Variants in NUFIP2 observed in about 807,000 individuals in gnomAD.
The protein encoded by NUFIP2 is FMR1-interacting protein NUFIP2.
NUFIP2 carries 6 observed loss-of-function variants against 56.9 expected under a neutral mutation model. The observed-to-expected ratio is 0.11, with a 90% CI of 0.06 to 0.21. The LOEUF (loss-of-function observed/expected upper bound fraction) is 0.21, where lower values mean the gene tolerates loss of function less well. NUFIP2 is among the 10% of genes least tolerant of loss of function. The pLI, the probability that NUFIP2 is intolerant of heterozygous loss-of-function variation, is 1.00. For missense variants in NUFIP2, 828 were observed against 826.8 expected, an observed-to-expected ratio of 1.00 and a Z score of -0.02; for synonymous variants, 321 against 298.2, an observed-to-expected ratio of 1.08 and a Z score of -0.79.
At chr17:29,272,929 T>C (rs1209675985) in intron 2 of NUFIP2, among the ~76,000 whole-genome samples, 1 of 151,754 alleles carries the variant, frequency 6.6e-6, no homozygotes, top group African/African-American at 2.4e-5. Flanking sequence ...CTCAGCTCAC[T>C]GCAACCTCCA....
chr17:29,294,148 T>A lies in NUFIP2; in HGVS notation c.-89A>T, dbSNP rs1195283581. The A allele has an allele frequency of 1.4e-6, 2 of 1,467,330 alleles. No individual in the cohort carries two copies. The highest frequency in any genetic ancestry group is 1.8e-6 in the Non-Finnish European group (2 of 1,105,804). 90.9% of individuals were successfully genotyped at this position (1,467,330 alleles called of 1,614,324 possible). ...CTTCTCAGGGCTCACTCAGTATATCTGAGCGCGTCTCGCCAGCGCACTGGT... is the reference window on the plus strand; with the variant it reads ...CTTCTCAGGGCTCACTCAGTATATCAGAGCGCGTCTCGCCAGCGCACTGGT... On this transcript the variant is annotated 5_prime_UTR_variant, in exon 1 of 4. Transcript: ENST00000225388.
chr17:29,283,420 C>T (rs908045313), intron 2 of NUFIP2, among the ~76,000 whole-genome samples: 3 of 152,162 alleles, frequency 2.0e-5, no homozygotes, highest in Admixed American at 1.3e-4. Flanking sequence ...TCACTGCAGA[C>T]CTGGATCTCC....
At chr17:29,280,244 A>G (rs10491211) in intron 2 of NUFIP2, among the ~76,000 whole-genome samples, 7,478 of 152,334 alleles carry the variant, frequency 0.049, 261 homozygotes, top group South Asian at 0.16. Context: ...CACACAACTC[A>G]TATCAATTAT....
At chr17:29,282,869 A>G (rs568211440) in intron 2 of NUFIP2, among the ~76,000 whole-genome samples, 1 of 152,270 alleles carries the variant, frequency 6.6e-6, no homozygotes, top group Non-Finnish European at 1.5e-5. Context: ...TTAACTTTAA[A>G]AAAAAAAGGC....
chr17:29,292,753 C>T (rs2069224157), intron 1 of NUFIP2, among the ~76,000 whole-genome samples: 1 of 149,998 alleles, frequency 6.7e-6, no homozygotes, highest in Admixed American at 6.6e-5. Flanking sequence ...CGCTGGCGCG[C>T]GGGGCCCTGC....
At chr17:29,288,722 G>A (rs1482560566) in intron 1 of NUFIP2, among the ~76,000 whole-genome samples, 1 of 152,196 alleles carries the variant, frequency 6.6e-6, no homozygotes, top group Non-Finnish European at 1.5e-5. Flanking sequence ...AAATCTGACC[G>A]CCAGTCTATC....
chr17:29,293,594 G>A (rs1301443032), intron 1 of NUFIP2, among the ~76,000 whole-genome samples, 189 bp downstream of exon 1: 2 of 152,080 alleles, frequency 1.3e-5, no homozygotes, highest in Non-Finnish European at 2.9e-5. Flanking sequence ...CATGCTGGAG[G>A]GAAGGAGAGG....
At chr17:29,291,171 A>G (rs1567682968) in intron 1 of NUFIP2, among the ~76,000 whole-genome samples, 1 of 152,142 alleles carries the variant, frequency 6.6e-6, no homozygotes. Flanking sequence ...AAAAATGTAA[A>G]CATTATAGAA....
rs1422299124 is a variant in NUFIP2, at chr17:29,260,109, GC to G, written c.*4429del. 5.9e-5 allele frequency: 9 copies of G among 152,136 alleles called. No individual in the cohort carries two copies. The highest frequency in any genetic ancestry group is 1.2e-4 in the Non-Finnish European group (8 of 68,020). The allele number at this position is 152,136 out of a possible 1,614,324, so 9.4% of individuals were successfully genotyped here. A position where few individuals can be genotyped will look rare whatever the true frequency, so the allele number is the denominator to read the frequency against. On this transcript the variant is annotated 3_prime_UTR_variant, in exon 4 of 4. Transcript: ENST00000225388. ...ACTAATGTTAAGCTATGTGCCTCTG[GC>G]AAACCTAAAGCAGCTATTTATGCTT...
chr17:29,278,167 C>A (rs1028681664), intron 2 of NUFIP2, among the ~76,000 whole-genome samples: 1 of 152,168 alleles, frequency 6.6e-6, no homozygotes, highest in Non-Finnish European at 1.5e-5. Context: ...ATCCAGACTA[C>A]TCCTAAATAG....
intron 2 of NUFIP2, 150 bp downstream of exon 2, chr17:29,285,842 T>C (rs746502721): frequency 5.6e-5 from 34 of 602,570 alleles, no homozygotes; most frequent in Non-Finnish European, 8.8e-5. Flanking sequence ...CCAAGGACCC[T>C]GAATTAGTTT....
chr17:29,270,443 T>C (rs1013126941), intron 2 of NUFIP2, among the ~76,000 whole-genome samples: 5 of 152,140 alleles, frequency 3.3e-5, no homozygotes, highest in Admixed American at 6.6e-5. Context: ...AAATGTTCTT[T>C]ATTATCTTAC....
chr17:29,283,441 T>A (rs1423932882), intron 2 of NUFIP2, among the ~76,000 whole-genome samples: 1 of 152,134 alleles, frequency 6.6e-6, no homozygotes, highest in African/African-American at 2.4e-5. Context: ...CAGGGACAAG[T>A]GATCCTCCCT....
chr17:29,284,179 T>C (rs984995749), intron 2 of NUFIP2, among the ~76,000 whole-genome samples: 1 of 152,120 alleles, frequency 6.6e-6, no homozygotes, highest in African/African-American at 2.4e-5. Flanking sequence ...ACTGTTAAAA[T>C]GGGAATGTGC....
chr17:29,263,795 T>C lies in NUFIP2; in HGVS notation c.*744A>G, dbSNP rs1047866847. On this transcript the variant is annotated 3_prime_UTR_variant, in exon 4 of 4. Transcript: ENST00000225388. ...TCTTCAGTTGTTAAAGTCCAATATG[T>C]AACCGAAGCCAAGTTAACTATGTAC... 1 of 152,650 alleles carries C rather than the reference T, an allele frequency of 6.6e-6. No homozygotes were observed. The highest frequency in any genetic ancestry group is 2.4e-5 in the African/African-American group (1 of 41,456). 9.5% of individuals were successfully genotyped at this position (152,650 alleles called of 1,614,324 possible).
At chr17:29,285,278 T>A (rs2069165820) in intron 2 of NUFIP2, among the ~76,000 whole-genome samples, 2 of 136,514 alleles carry the variant, frequency 1.5e-5, no homozygotes, top group East Asian at 2.2e-4. Context: ...CCAGCCTGGG[T>A]GAGAGAGTGA....
intron 3 of NUFIP2, among the ~76,000 whole-genome samples, chr17:29,267,134 C>G (rs1472215542): frequency 3.3e-5 from 5 of 151,796 alleles, no homozygotes; most frequent in African/African-American, 4.8e-5. Flanking sequence ...GAACTCCTGA[C>G]CTCGGGTGAT....
At chr17:29,287,753 C>A in intron 1 of NUFIP2, 37 bp from the exon 2 acceptor site, 2 of 1,503,554 alleles carry the variant, frequency 1.3e-6, no homozygotes, top group Non-Finnish European at 1.8e-6. Flanking sequence ...AAAAAAAAAT[C>A]ACAACATGTA....
Position 29,272,240 on chromosome 17 carries a change from CT to C in NUFIP2, c.2003-4711del, listed in dbSNP as rs750900881. Among the ~76,000 whole-genome samples the C allele has an allele frequency of 5.6e-3, 744 of 133,122 alleles. 3 individuals are homozygous for C. The highest frequency in any genetic ancestry group is 0.012 in the African/African-American group (456 of 36,824). 87.3% of individuals were successfully genotyped at this position (133,122 alleles called of 152,430 possible). ...TCAGATTTTAAATATGAAATGTGTT[CT>C]TTTTTTTTTTTTTTTTGAGACAAGA... On this transcript the variant is annotated intron_variant, in intron 2 of 3. Coordinates refer to ENST00000225388, the MANE Select transcript of NUFIP2 (RefSeq NM_020772.3).
Sources: gnomAD v4.1 joint callset for allele counts (sites outside exome capture counted in the v4.1 genomes callset) on GRCh38, gnomAD v4.1.1 for gene constraint, MANE v1.5 for transcripts, NCBI Gene and HGNC (gene_info 2026-07-23, HGNC 2026-07-21) for gene names.